Variants in FBN1 observed in about 807,000 individuals in gnomAD.
FBN1 encodes fibrillin-1.
Under a neutral mutation model 365.1 loss-of-function variants are expected in FBN1, and 29 were observed. The ratio of observed to expected loss-of-function variants is 0.08; its 90% CI spans 0.06 to 0.11. The LOEUF (loss-of-function observed/expected upper bound fraction) is 0.11. Ranked by LOEUF, FBN1 falls within the 10% of genes least tolerant of loss-of-function variation. The pLI is 1.00. For missense variants in FBN1, 2,476 were observed against 3,703.2 expected, an observed-to-expected ratio of 0.67 and a Z score of 8.60; for synonymous variants, 1,210 against 1,270.5, an observed-to-expected ratio of 0.95 and a Z score of 1.01.
intron 47 of FBN1, 64 bp from the exon 48 acceptor site, chr15:48,445,568 C>A: frequency 6.4e-7 from 1 of 1,562,976 alleles, no homozygotes; most frequent in South Asian, 1.1e-5. Flanking sequence ...CAGCAATAAT[C>A]AAAACTTCTA....
At chr15:48,492,909 C>T (rs1209390782) in intron 23 of FBN1, among the ~76,000 whole-genome samples, 1 of 152,174 alleles carries the variant, frequency 6.6e-6, no homozygotes, top group East Asian at 1.9e-4. Flanking sequence ...ATATAATTTG[C>T]TTTATGAGAC....
At chr15:48,522,616 T>A (rs1449925111) in intron 9 of FBN1, among the ~76,000 whole-genome samples, 1 of 152,206 alleles carries the variant, frequency 6.6e-6, no homozygotes, top group African/African-American at 2.4e-5. Context: ...CCTGTAATTG[T>A]TATCATCTAC....
chr15:48,519,636 A>G (rs572069021), intron 10 of FBN1, among the ~76,000 whole-genome samples: 7 of 152,230 alleles, frequency 4.6e-5, no homozygotes, highest in Non-Finnish European at 8.8e-5. Flanking sequence ...AAGAGGATAT[A>G]TAACAGGCAA....
chr15:48,627,782 T>C (rs1428118589), intron 2 of FBN1, among the ~76,000 whole-genome samples: 1 of 152,148 alleles, frequency 6.6e-6, no homozygotes, highest in African/African-American at 2.4e-5. Flanking sequence ...GATTTCCCTC[T>C]CAGTGTGAGT....
rs573381320 is a variant in FBN1 at position 48,492,979 on chromosome 15, A to G, written c.2729-393T>C. 3.2e-4 allele frequency among the ~76,000 whole-genome samples: 48 copies of G among 152,312 alleles called. 1 individual carries two copies. Among genetic ancestry groups the G allele is most frequent in the Middle Eastern group, 6.8e-3 (2 of 294 alleles). On this transcript the variant is annotated intron_variant, in intron 23 of 65. Transcript: ENST00000316623. The stretch of plus-strand genomic sequence containing the variant: ...TGGTTTTTCAAACTAGCAAAGAAGA[A>G]ACAGCTTGAAGTTCAGCATAGAAAA...
intron 17 of FBN1, among the ~76,000 whole-genome samples, chr15:48,499,740 ATACTT>A (rs1394609491): frequency 6.6e-6 from 1 of 152,216 alleles, no homozygotes; most frequent in Non-Finnish European, 1.5e-5. Context: ...AATTCCAACA[ATACTT>A]AACATAAGAG....
At chr15:48,566,197 C>A (rs1047704469) in intron 6 of FBN1, among the ~76,000 whole-genome samples, 3 of 152,162 alleles carry the variant, frequency 2.0e-5, no homozygotes, top group African/African-American at 7.2e-5. Context: ...GAGGTTTTGA[C>A]AACACATTTC....
At chr15:48,619,477 A>G (rs985258085) in intron 2 of FBN1, among the ~76,000 whole-genome samples, 7 of 149,352 alleles carry the variant, frequency 4.7e-5, no homozygotes, top group South Asian at 2.1e-4. Context: ...TCCCTTCCTC[A>G]TCTCCCCTTT....
At chr15:48,605,215 G>A (rs975676934) in intron 4 of FBN1, among the ~76,000 whole-genome samples, 5 of 152,028 alleles carry the variant, frequency 3.3e-5, no homozygotes, top group African/African-American at 1.2e-4. Flanking sequence ...GATAAAGTGG[G>A]GAAGATCTGC....
chr15:48,636,372 C>T (rs1890092082), intron 2 of FBN1, among the ~76,000 whole-genome samples: 1 of 152,036 alleles, frequency 6.6e-6, no homozygotes, highest in Admixed American at 6.5e-5. Context: ...TCCATGTGAC[C>T]CCAGCCAGCC....
At position 48,523,039 on chromosome 15, in the gene FBN1, A is replaced by T. The variant is rs113462346; in HGVS notation, c.989-2222T>A. On this transcript the variant is annotated intron_variant, in intron 9 of 65. Transcript: ENST00000316623. ...CCCGTCAAGAGGGCAGAGAAATTGA[A>T]CTTCCTACATTCTAATTTGTAATGC... is the stretch of plus-strand genomic sequence containing the variant. 6.8e-3 allele frequency among the ~76,000 whole-genome samples: 1,042 copies of T among 152,316 alleles called. 11 individuals carry two copies. Among genetic ancestry groups the T allele is most frequent in the African/African-American group, 0.024 (993 of 41,556 alleles).
intron 1 of FBN1, among the ~76,000 whole-genome samples, 153 bp downstream of exon 1, chr15:48,645,422 G>C (rs1017424277): frequency 2.6e-5 from 4 of 152,242 alleles, no homozygotes; most frequent in Non-Finnish European, 5.9e-5. Context: ...GTCAGGCAGG[G>C]GAGGGCCAGC....
chr15:48,437,037 T>C lies in FBN1; in HGVS notation c.6420A>G (p.Gly2140=). Residue 2140 remains glycine (G), a synonymous_variant, in exon 53 of 66, where the codon GGA becomes GGG. Transcript: ENST00000316623. ...ECKEPDVCKH[G]QCINTDGSYR... ...AGGAACCATCTGTATTGATGCACTG[T>C]CCATGTTTACAGACATCGGGTTCTT... 6.2e-7 allele frequency: 1 copy of C among 1,613,484 alleles called. No homozygotes were observed. Among genetic ancestry groups the C allele is most frequent in the Non-Finnish European group, 8.5e-7 (1 of 1,179,562 alleles).
At chr15:48,456,872 G>GTGTGCGCA in intron 43 of FBN1, 110 bp from the exon 44 acceptor site, 4 of 1,101,434 alleles carry the variant, frequency 3.6e-6, no homozygotes, top group Non-Finnish European at 5.4e-6. Flanking sequence ...GTGTGTGTGT[G>GTGTGCGCA]CGTGCATGTG....
At chr15:48,573,092 C>G (rs1218607489) in intron 6 of FBN1, among the ~76,000 whole-genome samples, 1 of 151,994 alleles carries the variant, frequency 6.6e-6, no homozygotes, top group Non-Finnish European at 1.5e-5. Flanking sequence ...TTTGTCTGGT[C>G]CACTAAGGAG....
chr15:48,433,008 G>A lies in FBN1; in HGVS notation c.6617-20C>T. The stretch of plus-strand genomic sequence containing the variant: ...TTATATCTGCAGCAGAGGAGAGTAA[G>A]TAAATAAGGGATCATGGACAGCAAC... On this transcript the variant is annotated intron_variant, in intron 54 of 65. Transcript: ENST00000316623. 1 of 1,612,630 alleles carries A rather than the reference G, an allele frequency of 6.2e-7. No homozygotes were observed. The highest frequency in any genetic ancestry group is 8.5e-7 in the Non-Finnish European group (1 of 1,179,224).
chr15:48,511,339 C>A (rs2043757234), intron 13 of FBN1, among the ~76,000 whole-genome samples: 1 of 151,962 alleles, frequency 6.6e-6, no homozygotes, highest in Admixed American at 6.6e-5. Flanking sequence ...CTTTTTCTCT[C>A]TCGTTTATTT....
chr15:48,627,963 C>T lies in FBN1; in HGVS notation c.165-14871G>A, dbSNP rs117911521. Among the ~76,000 whole-genome samples, 8 of 152,314 alleles carry T rather than the reference C, an allele frequency of 5.3e-5. No individual in the cohort carries two copies. In the East Asian group the frequency reaches 1.5e-3, roughly 29 times the overall value. On this transcript the variant is annotated intron_variant, in intron 2 of 65. Coordinates refer to ENST00000316623, the MANE Select transcript of FBN1 (RefSeq NM_000138.5). ...TCAAAACAGACAGAAATACATCCAC[C>T]TCGCATACCTAAAGGGCTTCCAAAT... is the stretch of plus-strand genomic sequence containing the variant.
chr15:48,465,587 T>A lies in FBN1; in HGVS notation c.4923A>T (p.Glu1641Asp). The A allele has an allele frequency of 6.2e-7, 1 of 1,614,154 alleles. No homozygotes were observed. Among genetic ancestry groups the A allele is most frequent in the South Asian group, 1.1e-5 (1 of 91,086 alleles). The change falls in exon 40 of 66, where the codon GAA (glutamate) becomes GAT (aspartate). Residue 1641 changes from glutamate to aspartate, a missense_variant. Around this residue, in one of 5 missense-constraint regions of FBN1, gnomAD observed 1,780 missense variants for 2,840.8 expected, o/e 0.63. Coordinates refer to ENST00000316623, the MANE Select transcript of FBN1 (RefSeq NM_000138.5). ...ATTTACCATCACACACTCGTGTATCTTCATTCAGGTAGTAGCCGGTTGGAC... is the reference window on the plus strand; with the variant it reads ...ATTTACCATCACACACTCGTGTATCATCATTCAGGTAGTAGCCGGTTGGAC... ...CRCPTGYYLN[E>D]DTRVCDDVNE...
Sources: allele counts gnomAD v4.1 joint callset (sites outside exome capture counted in the v4.1 genomes callset), GRCh38; gene constraint gnomAD v4.1.1; regional missense constraint gnomAD v4.1.1; transcripts MANE v1.5; gene names NCBI Gene and HGNC (gene_info 2026-07-23, HGNC 2026-07-21).